SNAPC3: variants seen among roughly 807,000 people sequenced by gnomAD.
The protein encoded by SNAPC3 is small nuclear RNA activating complex polypeptide 3.
SNAPC3 carries 56 observed loss-of-function variants against 47.7 expected under a neutral mutation model. The ratio of observed to expected loss-of-function variants is 1.18; its 90% CI spans 0.95 to 1.47. The LOEUF (loss-of-function observed/expected upper bound fraction) is 1.47. Ranked by LOEUF, SNAPC3 falls within the 40% of genes most tolerant of loss-of-function variation. The pLI is 0.00. For synonymous variants in SNAPC3, 235 were observed against 189.9 expected, an observed-to-expected ratio of 1.24 and a Z score of -1.95; for missense variants, 665 against 511.3, an observed-to-expected ratio of 1.30 and a Z score of -2.90.
intron 3 of SNAPC3, among the ~76,000 whole-genome samples, chr9:15,440,926 G>T (rs534816657): frequency 7.2e-6 from 1 of 139,642 alleles, no homozygotes; most frequent in African/African-American, 2.7e-5. Flanking sequence ...TCCAGCTTGG[G>T]CAACAGAGTG....
intron 7 of SNAPC3, among the ~76,000 whole-genome samples, chr9:15,453,832 T>G (rs1265284839): frequency 6.6e-6 from 1 of 152,242 alleles, no homozygotes; most frequent in East Asian, 1.9e-4. Context: ...GTTTGATTCC[T>G]TATGAGAGAC....
chr9:15,452,231 A>C (rs1447610919), intron 6 of SNAPC3, among the ~76,000 whole-genome samples: 1 of 152,050 alleles, frequency 6.6e-6, no homozygotes, highest in Non-Finnish European at 1.5e-5. Flanking sequence ...CCAAACTGCT[A>C]ACGTTACAGG....
At chr9:15,426,590 T>G (rs1359363996) in intron 2 of SNAPC3, among the ~76,000 whole-genome samples, 1 of 152,172 alleles carries the variant, frequency 6.6e-6, no homozygotes, top group African/African-American at 2.4e-5. Flanking sequence ...TTTTTAGAGA[T>G]AGACTGAAAA....
intron 4 of SNAPC3, among the ~76,000 whole-genome samples, chr9:15,445,108 A>G (rs2033822147): frequency 6.6e-6 from 1 of 152,200 alleles, no homozygotes; most frequent in Non-Finnish European, 1.5e-5. Flanking sequence ...ATGCAAGCAT[A>G]TGCTGCCTAT....
chr9:15,440,519 A>G (rs1457448414), intron 3 of SNAPC3, among the ~76,000 whole-genome samples: 6 of 152,170 alleles, frequency 3.9e-5, no homozygotes, highest in African/African-American at 1.4e-4. Context: ...CCCAAAAAAG[A>G]AAAACAAAAG....
At chr9:15,441,908 G>T (rs1428598002) in intron 3 of SNAPC3, among the ~76,000 whole-genome samples, 1 of 152,176 alleles carries the variant, frequency 6.6e-6, no homozygotes, top group Non-Finnish European at 1.5e-5. Context: ...GAGCTGTTGG[G>T]TACACCTCCC....
chr9:15,458,505 G>C (rs1244562633), intron 8 of SNAPC3, among the ~76,000 whole-genome samples: 1 of 152,146 alleles, frequency 6.6e-6, no homozygotes, highest in Non-Finnish European at 1.5e-5. Flanking sequence ...TGTTCTTTCT[G>C]CCTCTTGTCC....
chr9:15,439,265 T>G (rs1408483673), intron 3 of SNAPC3, among the ~76,000 whole-genome samples: 1 of 152,234 alleles, frequency 6.6e-6, no homozygotes, highest in Non-Finnish European at 1.5e-5. Flanking sequence ...CCCACCTTGG[T>G]CTCCCATGCT....
chr9:15,443,195 G>GGAGAGGGA (rs1043966491), intron 3 of SNAPC3, among the ~76,000 whole-genome samples: 2 of 152,074 alleles, frequency 1.3e-5, no homozygotes, highest in Admixed American at 6.6e-5. Flanking sequence ...GGGGAGAGGG[G>GGAGAGGGA]GAGAGGGAGA....
At chr9:15,465,640 A>G (rs2035573261), downstream of SNAPC3, 1 of 1,355,362 alleles carries the variant, frequency 7.4e-7, no homozygotes, top group Non-Finnish European at 1.0e-6. Context: ...GAAGGAAAAA[A>G]AGACATTAAG....
chr9:15,427,158 G>T (rs1412221977), intron 2 of SNAPC3, among the ~76,000 whole-genome samples: 1 of 152,156 alleles, frequency 6.6e-6, no homozygotes, highest in Non-Finnish European at 1.5e-5. Flanking sequence ...GGTAGATATT[G>T]ATTCTTCCTT....
chr9:15,426,894 T>C (rs1019934820), intron 2 of SNAPC3, among the ~76,000 whole-genome samples: 13 of 152,212 alleles, frequency 8.5e-5, no homozygotes, highest in African/African-American at 3.1e-4. Context: ...ATTTAATACA[T>C]GACCATTGTT....
At chr9:15,437,778 A>G (rs1338301005) in intron 3 of SNAPC3, among the ~76,000 whole-genome samples, 2 of 152,220 alleles carry the variant, frequency 1.3e-5, no homozygotes, top group Non-Finnish European at 2.9e-5. Flanking sequence ...ACCTTTTCTT[A>G]TCATAACTGA....
rs1020182594 is a variant in SNAPC3, at chr9:15,423,060, T to A, written c.181T>A (p.Leu61Met). 1 of 1,518,342 alleles carries A rather than the reference T, an allele frequency of 6.6e-7. No individual in the cohort carries two copies. The highest frequency in any genetic ancestry group is 8.8e-7 in the Non-Finnish European group (1 of 1,141,572). 94.1% of individuals were successfully genotyped at this position (1,518,342 alleles called of 1,614,324 possible). The change falls in exon 1 of 9, where the codon TTG becomes ATG. Residue 61 changes from leucine to methionine, a missense_variant. Coordinates refer to ENST00000380821, the MANE Select transcript of SNAPC3 (RefSeq NM_001039697.2). ...WRGRLRGAGD[L>M]SLREPPASAL... The stretch of plus-strand genomic sequence containing the variant: ...GGGCCGTCTGCGCGGGGCCGGGGAC[T>A]TGTCGCTGAGGGAGCCGCCGGCATC...
chr9:15,436,698 T>C (rs1006518867), intron 3 of SNAPC3, among the ~76,000 whole-genome samples: 1 of 152,192 alleles, frequency 6.6e-6, no homozygotes, highest in African/African-American at 2.4e-5. Flanking sequence ...GGGATTTTGA[T>C]AGGGATTGCA....
chr9:15,454,097 G>C (rs979018288), intron 7 of SNAPC3, among the ~76,000 whole-genome samples: 1 of 152,140 alleles, frequency 6.6e-6, no homozygotes, highest in Non-Finnish European at 1.5e-5. Flanking sequence ...GCTGAGCATA[G>C]TGGTGTGTGC....
chr9:15,450,568 G>A (rs1257501012), intron 5 of SNAPC3, among the ~76,000 whole-genome samples: 1 of 152,196 alleles, frequency 6.6e-6, no homozygotes, highest in Non-Finnish European at 1.5e-5. Flanking sequence ...GTAGATTAAG[G>A]AAAAGAACTC....
chr9:15,426,088 T>C (rs759956655), intron 2 of SNAPC3, among the ~76,000 whole-genome samples: 8 of 152,144 alleles, frequency 5.3e-5, no homozygotes, highest in African/African-American at 9.7e-5. Context: ...GGCCAACCTC[T>C]CGTGATCCAC....
Position 15,423,908 on chromosome 9 carries a change from G to A in SNAPC3, c.315-1G>A. 1.3e-6 allele frequency: 2 copies of A among 1,554,292 alleles called. No individual in the cohort carries two copies. Among genetic ancestry groups the A allele is most frequent in the South Asian group, 1.2e-5 (1 of 81,754 alleles). ...AGTATTGCTTTTCCTTTTTGTTTTA[G>A]CCTTGATAAACTGAAATGCCTTGAG... On this transcript the variant is annotated splice_acceptor_variant, in intron 1 of 8. Transcript: ENST00000380821. LOFTEE classifies it high-confidence loss of function.
Sources: allele counts gnomAD v4.1 joint callset (sites outside exome capture counted in the v4.1 genomes callset), GRCh38; gene constraint gnomAD v4.1.1; transcripts MANE v1.5; gene names NCBI Gene and HGNC (gene_info 2026-07-23, HGNC 2026-07-21).